Variants in PCDHA10 observed in about 807,000 individuals in gnomAD.
PCDHA10 encodes the protein protocadherin alpha 10.
A neutral mutation model predicts 61.2 loss-of-function variants in PCDHA10; 45 were observed. That is an observed-to-expected ratio of 0.74 (90% CI 0.58 to 0.94). The LOEUF (loss-of-function observed/expected upper bound fraction) is 0.94, where lower values mean the gene tolerates loss of function less well. Ranked by LOEUF, PCDHA10 falls within the 40% of genes least tolerant of loss-of-function variation. The pLI, the probability that PCDHA10 is intolerant of heterozygous loss-of-function variation, is 0.00. For synonymous variants in PCDHA10, 602 were observed against 548.8 expected, an observed-to-expected ratio of 1.10 and a Z score of -1.35; for missense variants, 1,278 against 1,236.2, an observed-to-expected ratio of 1.03 and a Z score of -0.51.
chr5:140,885,480 A>G (rs782437070), intron 1 of PCDHA10, among the ~76,000 whole-genome samples: 7 of 152,158 alleles, frequency 4.6e-5, no homozygotes, highest in Non-Finnish European at 7.4e-5. Context: ...ACTTTGTGTC[A>G]AGTGTTCTGT....
intron 1 of PCDHA10, among the ~76,000 whole-genome samples, chr5:140,973,451 G>A (rs1317548382): frequency 2.0e-5 from 3 of 152,172 alleles, no homozygotes; most frequent in African/African-American, 7.2e-5. Context: ...TATAATGACT[G>A]GGGCTGTTTT....
At chr5:140,865,535 T>C (rs2048909108) in intron 1 of PCDHA10, 3 of 152,192 alleles carry the variant, frequency 2.0e-5, no homozygotes, top group South Asian at 2.1e-4. Context: ...TCTTCATCCA[T>C]AGCTATAGGA....
chr5:140,858,019 G>A lies in PCDHA10; in HGVS notation c.1971G>A (p.Ser657=), dbSNP rs377389644. 6.3e-7 allele frequency: 1 copy of A among 1,596,850 alleles called. No individual in the cohort carries two copies. The highest frequency in any genetic ancestry group is 8.6e-7 in the Non-Finnish European group (1 of 1,167,074). Reference sequence around the variant, plus strand: ...TGGTGAAGGACCATGGCGAGCCGTCGCTGACGGCCACGGCCACTGTGCTTG... The same window carrying A: ...TGGTGAAGGACCATGGCGAGCCGTCACTGACGGCCACGGCCACTGTGCTTG... ...LVLVKDHGEP[S]LTATATVLVS... Residue 657 remains serine (S), a synonymous_variant, in exon 1 of 4, where the codon TCG becomes TCA. Transcript: ENST00000307360.
chr5:140,917,331 G>T (rs1256665914), intron 1 of PCDHA10, among the ~76,000 whole-genome samples: 12 of 137,574 alleles, frequency 8.7e-5, no homozygotes, highest in African/African-American at 3.0e-4. Context: ...TGGCGGGGGA[G>T]GGGGGGGATG....
chr5:140,997,132 C>A (rs1189394609), intron 3 of PCDHA10, among the ~76,000 whole-genome samples: 1 of 152,076 alleles, frequency 6.6e-6, no homozygotes, highest in Non-Finnish European at 1.5e-5. Flanking sequence ...CACAATGCCC[C>A]CACACCCCCG....
chr5:140,856,716 G>T lies in PCDHA10; in HGVS notation c.668G>T (p.Gly223Val), dbSNP rs1482820775. The T allele has an allele frequency of 6.3e-7, 1 of 1,596,628 alleles. No homozygotes were observed. Among genetic ancestry groups the T allele is most frequent in the Admixed American group, 1.7e-5 (1 of 59,212 alleles). The change falls in exon 1 of 4, where the codon GGA becomes GTA. Residue 223 changes from glycine to valine, a missense_variant. Coordinates refer to ENST00000307360, the MANE Select transcript of PCDHA10 (RefSeq NM_018901.4). ...ATDGGKPEFTGSVSLLILVLD... is the reference protein window; with the variant it reads ...ATDGGKPEFTVSVSLLILVLD... Reference sequence around the variant, plus strand: ...GATGGAGGCAAACCTGAATTTACCGGATCTGTTTCTCTGCTGATCCTGGTG... The same window carrying T: ...GATGGAGGCAAACCTGAATTTACCGTATCTGTTTCTCTGCTGATCCTGGTG...
At chr5:140,986,371 G>C (rs1453761888) in intron 3 of PCDHA10, among the ~76,000 whole-genome samples, 1 of 152,116 alleles carries the variant, frequency 6.6e-6, no homozygotes, top group Non-Finnish European at 1.5e-5. Flanking sequence ...AATGCGTTTT[G>C]GGGGGAGGGA....
At chr5:140,949,694 G>C (rs1447787366) in intron 1 of PCDHA10, among the ~76,000 whole-genome samples, 1 of 151,590 alleles carries the variant, frequency 6.6e-6, no homozygotes, top group Non-Finnish European at 1.5e-5. Context: ...CGTATTGTTG[G>C]ATCTTGCTGT....
intron 1 of PCDHA10, chr5:140,858,909 C>T (rs2150442831): frequency 5.4e-6 from 1 of 185,188 alleles, no homozygotes; most frequent in South Asian, 1.1e-4. Flanking sequence ...CGTACCACAG[C>T]TTATACTGCC....
At chr5:140,974,721 G>T (rs1033117636) in intron 1 of PCDHA10, among the ~76,000 whole-genome samples, 1 of 152,050 alleles carries the variant, frequency 6.6e-6, no homozygotes, top group Non-Finnish European at 1.5e-5. Context: ...AGCTGCTCTC[G>T]AACTCCTGTC....
Position 140,856,446 on chromosome 5 carries a change from C to T in PCDHA10, c.398C>T (p.Ser133Phe). Residue 133 changes from serine (S) to phenylalanine (F), a missense_variant, in exon 1 of 4, where the codon TCC becomes TTC. By Grantham distance (155) the Ser-to-Phe change is radical. Coordinates refer to ENST00000307360, the MANE Select transcript of PCDHA10 (RefSeq NM_018901.4). ...KDINDNPPRFSVTEQKLSIPE... is the reference protein window; with the variant it reads ...KDINDNPPRFFVTEQKLSIPE... ...ATTAACGACAACCCGCCCAGGTTCTCCGTAACAGAACAAAAGCTCTCAATA... is the reference window on the plus strand; with the variant it reads ...ATTAACGACAACCCGCCCAGGTTCTTCGTAACAGAACAAAAGCTCTCAATA... 1.9e-6 allele frequency: 3 copies of T among 1,598,398 alleles called. 1 individual carries two copies. Among genetic ancestry groups the T allele is most frequent in the Non-Finnish European group, 8.6e-7 (1 of 1,167,936 alleles).
chr5:140,993,462 T>TCACACACACACACA (rs3836747), intron 3 of PCDHA10, among the ~76,000 whole-genome samples: 3 of 140,938 alleles, frequency 2.1e-5, no homozygotes, highest in African/African-American at 5.3e-5. Flanking sequence ...TCTTTCTTTC[T>TCACACACACACACA]CACACACACA....
chr5:140,912,393 G>T (rs1312827248), intron 1 of PCDHA10, among the ~76,000 whole-genome samples: 1 of 147,816 alleles, frequency 6.8e-6, no homozygotes, highest in Admixed American at 6.7e-5. Context: ...TTCTTAATTT[G>T]ATTCTCAGCT....
chr5:140,874,607 T>C (rs534439802), intron 1 of PCDHA10, among the ~76,000 whole-genome samples: 1 of 152,226 alleles, frequency 6.6e-6, no homozygotes, highest in Non-Finnish European at 1.5e-5. Context: ...TTTGGAGGCT[T>C]CAACTAAACA....
intron 1 of PCDHA10, chr5:140,966,824 A>G (rs1463208532): frequency 1.3e-6 from 2 of 1,559,876 alleles, no homozygotes; most frequent in Admixed American, 1.9e-5. Flanking sequence ...CCGGCGGCCC[A>G]TGCCCTGGCT....
chr5:140,890,528 C>T (rs1329794711), intron 1 of PCDHA10, among the ~76,000 whole-genome samples: 3 of 152,060 alleles, frequency 2.0e-5, no homozygotes, highest in South Asian at 2.1e-4. Flanking sequence ...CTTTGTTGAT[C>T]TTCTTTTGAA....
intron 1 of PCDHA10, among the ~76,000 whole-genome samples, chr5:140,920,730 G>A (rs902169780): frequency 6.6e-6 from 1 of 152,058 alleles, no homozygotes; most frequent in Non-Finnish European, 1.5e-5. Context: ...TGCAGTCCCA[G>A]CTACTCAGGA....
chr5:141,009,582 G>A, intron 3 of PCDHA10, 45 bp from the exon 4 acceptor site: 1 of 1,590,226 alleles, frequency 6.3e-7, no homozygotes, highest in Non-Finnish European at 8.6e-7. Context: ...GGCATCAAGA[G>A]CATGTGTTGA....
At chr5:140,969,317 G>C in intron 1 of PCDHA10, 1 of 1,614,156 alleles carries the variant, frequency 6.2e-7, no homozygotes, top group African/African-American at 1.3e-5. Context: ...AAATGAGGCT[G>C]TTTCTCAAAA....
Sources: gnomAD v4.1 joint callset for allele counts (sites outside exome capture counted in the v4.1 genomes callset) on GRCh38, gnomAD v4.1.1 for gene constraint, MANE v1.5 for transcripts, NCBI Gene and HGNC (gene_info 2026-07-23, HGNC 2026-07-21) for gene names.